CNTRL: variants seen among roughly 807,000 people sequenced by gnomAD.
CNTRL encodes 110 kDa centrosomal protein.
CNTRL carries 233 observed loss-of-function variants against 303.7 expected under a neutral mutation model. The ratio of observed to expected loss-of-function variants is 0.77; its 90% CI spans 0.69 to 0.86. The LOEUF (loss-of-function observed/expected upper bound fraction) is 0.86. Ranked by LOEUF, CNTRL falls within the 40% of genes least tolerant of loss-of-function variation. CNTRL has a pLI of 0.00. For missense variants in CNTRL, 2,524 were observed against 2,650.6 expected (o/e 0.95, Z 1.05); for synonymous variants, 900 against 922.2 (o/e 0.98, Z 0.44).
rs547847863 is a variant in CNTRL at position 121,098,011 on chromosome 9, T to A, written c.622-375T>A. On this transcript the variant is annotated intron_variant, in intron 6 of 43. Coordinates refer to ENST00000373855, the MANE Select transcript of CNTRL (RefSeq NM_007018.6). ...ATTTTTTTGATTTGTTAAATCAGTA[T>A]AATGAAAAGACAAAGTTGAGAGTTA... Among the ~76,000 whole-genome samples the A allele has an allele frequency of 2.6e-5, 4 of 152,316 alleles. No homozygotes were observed. The South Asian group carries it at 8.3e-4, about 32-fold the overall frequency.
rs770995226 is a variant in CNTRL at position 121,098,527 on chromosome 9, G to A, written c.763G>A (p.Val255Ile). 15 of 1,613,730 alleles carry A rather than the reference G, an allele frequency of 9.3e-6. No homozygotes were observed. The highest frequency in any genetic ancestry group is 1.3e-5 in the African/African-American group (1 of 74,908). ...RSLESLEGQP[V>I]TTQDRQEAFE... ...ATTGGAAAGTTTGGAAGGTCAGCCA[G>A]TAACCACTCAGGATAGACAGGAGGC... The change falls in exon 7 of 44, where the codon GTA (valine) becomes ATA (isoleucine). Residue 255 changes from valine to isoleucine, a missense_variant. Val to Ile is a conservative substitution (Grantham distance 29). Coordinates refer to ENST00000373855, the MANE Select transcript of CNTRL (RefSeq NM_007018.6).
At chr9:121,158,258 A>G (rs1187461246) in intron 30 of CNTRL, 149 bp downstream of exon 30, 1 of 907,952 alleles carries the variant, frequency 1.1e-6, no homozygotes, top group Non-Finnish European at 1.6e-6. Flanking sequence ...TCCCAACTCA[A>G]TACAATACTT....
chr9:121,143,862 CAAAT>C, intron 19 of CNTRL, 37 bp from the exon 20 acceptor site: 1 of 1,495,102 alleles, frequency 6.7e-7, no homozygotes, highest in South Asian at 1.3e-5. Flanking sequence ...TCATTCCTGC[CAAAT>C]GATTCATCTG....
intron 5 of CNTRL, 107 bp downstream of exon 5, chr9:121,095,125 A>C (rs2048833809): frequency 2.4e-6 from 2 of 843,570 alleles, no homozygotes; most frequent in Non-Finnish European, 3.6e-6. Context: ...GAAACAGAAG[A>C]TATTTTTATC....
intron 3 of CNTRL, 72 bp from the exon 4 acceptor site, chr9:121,090,203 A>G: frequency 7.2e-7 from 1 of 1,398,160 alleles, no homozygotes. Flanking sequence ...GTTACATAAC[A>G]TCAAAACAAC....
intron 30 of CNTRL, 33 bp from the exon 31 acceptor site, chr9:121,158,822 G>A: frequency 1.9e-6 from 3 of 1,608,506 alleles, no homozygotes; most frequent in Non-Finnish European, 2.5e-6. Flanking sequence ...TATGGCCTTT[G>A]TCAAACTTAC....
intron 25 of CNTRL, chr9:121,150,752 A>C: frequency 2.6e-6 from 1 of 387,586 alleles, no homozygotes; most frequent in East Asian, 4.4e-5. Flanking sequence ...AACAGCAAAA[A>C]ACAAAAACCA....
At chr9:121,131,330 A>G (rs560780473) in intron 14 of CNTRL, among the ~76,000 whole-genome samples, 11 of 152,308 alleles carry the variant, frequency 7.2e-5, no homozygotes, top group African/African-American at 2.4e-4. Context: ...TTGGGTGCAT[A>G]TATGTTTAGG....
At chr9:121,118,161 T>C (rs2050067360) in intron 11 of CNTRL, among the ~76,000 whole-genome samples, 185 bp from the exon 12 acceptor site, 1 of 152,162 alleles carries the variant, frequency 6.6e-6, no homozygotes, top group Non-Finnish European at 1.5e-5. Flanking sequence ...TTATAAAGTA[T>C]GATTTTCTAC....
chr9:121,093,925 A>G (rs931087430), intron 4 of CNTRL, among the ~76,000 whole-genome samples: 1 of 152,150 alleles, frequency 6.6e-6, no homozygotes, highest in Non-Finnish European at 1.5e-5. Flanking sequence ...TGTGGCTGAC[A>G]TGGTGAAACC....
chr9:121,127,144 T>A (rs891118078), intron 14 of CNTRL, among the ~76,000 whole-genome samples: 37 of 152,302 alleles, frequency 2.4e-4, no homozygotes, highest in African/African-American at 8.2e-4. Context: ...TTATGCACAC[T>A]GATAGATGTA....
Position 121,096,563 on chromosome 9 carries a change from G to A in CNTRL, c.621G>A (p.Ser207=), listed in dbSNP as rs781567677. 21 of 1,429,256 alleles carry A rather than the reference G, an allele frequency of 1.5e-5. No individual in the cohort carries two copies. Among genetic ancestry groups the A allele is most frequent in the African/African-American group, 8.6e-5 (6 of 69,520 alleles). 88.5% of individuals were successfully genotyped at this position (1,429,256 alleles called of 1,614,324 possible). ...ATTTGAAAGGCAACAAGATATCATC[G>A]GTAAGTTATTCAAAATAGCAGGAAT... The part of the protein sequence containing the change: ...VLNLKGNKIS[S]LQDISKLKPL... The change falls in exon 6 of 44, where the codon TCG becomes TCA. Residue 207 remains serine (S), a splice_region_variant and synonymous_variant. Transcript: ENST00000373855.
At chr9:121,115,818 T>TCATAC (rs1239980898) in intron 11 of CNTRL, among the ~76,000 whole-genome samples, 1 of 152,204 alleles carries the variant, frequency 6.6e-6, no homozygotes, top group African/African-American at 2.4e-5. Context: ...GTAACTACAT[T>TCATAC]CATACCACAG....
In CNTRL at chr9:121,162,188, G is replaced by A. The variant is rs144649433; in HGVS notation, c.5340G>A (p.Ser1780=). Reference sequence around the variant, plus strand: ...CTGCTGAGTCCCGAGCTTTACAATCGTGTGTTGAGTGTTTGAGCAAAGAAA... The same window carrying A: ...CTGCTGAGTCCCGAGCTTTACAATCATGTGTTGAGTGTTTGAGCAAAGAAA... ...RMTAESRALQ[S]CVECLSKEKE... is the part of the protein sequence containing the mutation. The change falls in exon 34 of 44, where the codon TCG becomes TCA. Residue 1780 remains serine, a synonymous_variant. Transcript: ENST00000373855. The A allele has an allele frequency of 5.8e-5, 93 of 1,614,130 alleles. No individual in the cohort carries two copies. The East Asian group carries it at 1.6e-3, about 28-fold the overall frequency.
rs540488101 is a variant in CNTRL, at chr9:121,092,460, T to C, written c.348+2055T>C. 1.3e-4 allele frequency among the ~76,000 whole-genome samples: 15 copies of C among 112,168 alleles called. 1 individual carries two copies. The highest frequency in any genetic ancestry group is 5.3e-4 in the African/African-American group (15 of 28,354). 73.6% of individuals were successfully genotyped at this position (112,168 alleles called of 152,430 possible). The stretch of plus-strand genomic sequence containing the variant: ...GATAGATAGATAATATATATCTATA[T>C]ATATATAATATATATCTATATATAT... On this transcript the variant is annotated intron_variant, in intron 4 of 43. Coordinates refer to ENST00000373855, the MANE Select transcript of CNTRL (RefSeq NM_007018.6).
intron 5 of CNTRL, 69 bp from the exon 6 acceptor site, chr9:121,096,353 T>A: frequency 1.0e-6 from 1 of 956,922 alleles, no homozygotes; most frequent in Non-Finnish European, 1.4e-6. Flanking sequence ...AAGCTGTTTA[T>A]TCTAAAAATA....
In CNTRL at chr9:121,113,697, G is replaced by T; in HGVS notation, c.1318G>T (p.Glu440Ter). 1 of 1,528,040 alleles carries T rather than the reference G, an allele frequency of 6.5e-7. No individual in the cohort carries two copies. Among genetic ancestry groups the T allele is most frequent in the Non-Finnish European group, 8.7e-7 (1 of 1,145,398 alleles). 94.7% of individuals were successfully genotyped at this position (1,528,040 alleles called of 1,614,324 possible). ...CCACACACCACTGGACACGCAACTG[G>T]AAGACAAAGAAAAAAAAATAAGTGC... ...RGHTPLDTQL[E>*]DKEKKISAAQ... Residue 440 changes from glutamate (E) to a stop codon, truncating the protein, a stop_gained, in exon 10 of 44, where the codon GAA (glutamate) becomes TAA (stop). Transcript: ENST00000373855. LOFTEE classifies it high-confidence loss of function.
In CNTRL at chr9:121,141,398, A is replaced by C; in HGVS notation, c.2501A>C (p.Asp834Ala). 2 of 1,613,486 alleles carry C rather than the reference A, an allele frequency of 1.2e-6. No homozygotes were observed. The highest frequency in any genetic ancestry group is 1.7e-6 in the Non-Finnish European group (2 of 1,179,540). The change falls in exon 18 of 44, where the codon GAT becomes GCT. Residue 834 changes from aspartate (D) to alanine (A), a missense_variant. Transcript: ENST00000373855. ...CTTACTAGCATCCATAGTCCTTCAG[A>C]TGTCTTAGGGAAAAGTCTTGCTGAT... ...TGEMNIHSPS[D>A]VLGKSLADLQ...
At position 121,088,299 on chromosome 9, in the gene CNTRL, T is replaced by G; in HGVS notation, c.-28T>G. 1 of 1,416,974 alleles carries G rather than the reference T, an allele frequency of 7.1e-7. No individual in the cohort carries two copies. The highest frequency in any genetic ancestry group is 1.0e-6 in the Non-Finnish European group (1 of 1,004,964). The allele number at this position is 1,416,974 out of a possible 1,614,324, so 87.8% of individuals were successfully genotyped here. A position where few individuals can be genotyped will look rare whatever the true frequency, so the allele number is the denominator to read the frequency against. ...AATATACTGAAAACTCTTACAGGTT[T>G]TGATGAACACCTGGCTTTATTCTTG... On this transcript the variant is annotated 5_prime_UTR_variant, in exon 3 of 44. Transcript: ENST00000373855.
Sources: allele counts gnomAD v4.1 joint callset (sites outside exome capture counted in the v4.1 genomes callset), GRCh38; gene constraint gnomAD v4.1.1; transcripts MANE v1.5; gene names NCBI Gene and HGNC (gene_info 2026-07-23, HGNC 2026-07-21).